The following THSD7A variants were observed in gnomAD, a reference collection of about 807,000 sequenced individuals.
THSD7A encodes thrombospondin type-1 domain-containing protein 7A.
A neutral mutation model predicts 231.3 loss-of-function variants in THSD7A; 96 were observed. The ratio of observed to expected loss-of-function variants is 0.41; its 90% CI spans 0.35 to 0.49. The LOEUF (loss-of-function observed/expected upper bound fraction) is 0.49, where lower values mean the gene tolerates loss of function less well. THSD7A is among the 20% of genes least tolerant of loss of function. The pLI is 0.05. For synonymous variants in THSD7A, 940 were observed against 743.3 expected (o/e 1.26, Z -4.30); for missense variants, 2,290 against 2,070.2 (o/e 1.11, Z -2.06).
chr7:11,588,072 G>A (rs1342272752), intron 4 of THSD7A, among the ~76,000 whole-genome samples: 1 of 152,136 alleles, frequency 6.6e-6, no homozygotes, highest in Admixed American at 6.5e-5. Context: ...CTTGAAATGA[G>A]TGTCTTCTTA....
chr7:11,378,222 G>C (rs895936653), intron 26 of THSD7A: 1 of 152,104 alleles, frequency 6.6e-6, no homozygotes, highest in African/African-American at 2.4e-5. Context: ...TTTTAAAGTA[G>C]ACTATGCCTG....
intron 4 of THSD7A, among the ~76,000 whole-genome samples, chr7:11,564,746 A>C (rs938713892): frequency 6.6e-6 from 1 of 152,188 alleles, no homozygotes; most frequent in Non-Finnish European, 1.5e-5. Flanking sequence ...CCACGATGCC[A>C]TATTTCCTAG....
chr7:11,720,027 T>C (rs1293794790), intron 1 of THSD7A, among the ~76,000 whole-genome samples: 1 of 151,778 alleles, frequency 6.6e-6, no homozygotes, highest in African/African-American at 2.4e-5. Flanking sequence ...AGCCCTCCTT[T>C]TGTCACACCT....
chr7:11,759,472 G>GGACA (rs1232734435), intron 1 of THSD7A, among the ~76,000 whole-genome samples: 1 of 151,992 alleles, frequency 6.6e-6, no homozygotes, highest in Non-Finnish European at 1.5e-5. Flanking sequence ...TATGTGACAA[G>GGACA]GACAGAAAGA....
intron 1 of THSD7A, among the ~76,000 whole-genome samples, chr7:11,709,649 C>G (rs1780887373): frequency 6.6e-6 from 1 of 150,700 alleles, no homozygotes; most frequent in Non-Finnish European, 1.5e-5. Context: ...AGTCGTTTAA[C>G]TTAACTTTGA....
intron 1 of THSD7A, among the ~76,000 whole-genome samples, chr7:11,706,709 T>A (rs1323577959): frequency 6.8e-6 from 1 of 146,302 alleles, no homozygotes; most frequent in Non-Finnish European, 1.5e-5. Flanking sequence ...TCATGGTATA[T>A]CCACAAACCA....
chr7:11,820,975 G>A lies in THSD7A; in HGVS notation c.190+10782C>T, dbSNP rs1313990305. On this transcript the variant is annotated intron_variant, in intron 1 of 27. Coordinates refer to ENST00000423059, the MANE Select transcript of THSD7A (RefSeq NM_015204.3). ...TTATGACGTTCAATATCAAGGCGGAGATCAACAGGATCATCTCTGTATTTT... is the reference window on the plus strand; with the variant it reads ...TTATGACGTTCAATATCAAGGCGGAAATCAACAGGATCATCTCTGTATTTT... 3 of 1,030,662 alleles carry A rather than the reference G, an allele frequency of 2.9e-6. No individual in the cohort carries two copies. The Middle Eastern group carries it at 6.5e-4, about 223-fold the overall frequency. The allele number at this position is 1,030,662 out of a possible 1,614,324, so 63.8% of individuals were successfully genotyped here.
At chr7:11,779,000 T>C (rs1463032917) in intron 1 of THSD7A, among the ~76,000 whole-genome samples, 1 of 152,094 alleles carries the variant, frequency 6.6e-6, no homozygotes, top group Admixed American at 6.5e-5. Flanking sequence ...TAAACATAAT[T>C]GGTATCATTA....
At chr7:11,693,119 C>A (rs1001313554) in intron 1 of THSD7A, among the ~76,000 whole-genome samples, 7 of 151,384 alleles carry the variant, frequency 4.6e-5, no homozygotes, top group Non-Finnish European at 1.0e-4. Context: ...AAACTTGTCC[C>A]TAAACTTTTC....
At chr7:11,482,017 T>C in intron 6 of THSD7A, 35 bp from the exon 7 acceptor site, 1 of 1,539,708 alleles carries the variant, frequency 6.5e-7, no homozygotes. Flanking sequence ...GCTATTATTG[T>C]TAAATTAATG....
At chr7:11,512,364 G>T (rs2128313683) in intron 6 of THSD7A, among the ~76,000 whole-genome samples, 1 of 152,270 alleles carries the variant, frequency 6.6e-6, no homozygotes, top group East Asian at 1.9e-4. Flanking sequence ...AACCATTGTG[G>T]AAGTCAGTGT....
intron 24 of THSD7A, among the ~76,000 whole-genome samples, chr7:11,382,025 A>G (rs1782536338): frequency 6.6e-6 from 1 of 152,156 alleles, no homozygotes; most frequent in East Asian, 1.9e-4. Flanking sequence ...TTTGAAATTT[A>G]CCAGTAGGTC....
chr7:11,749,027 A>G (rs1425800645), intron 1 of THSD7A, among the ~76,000 whole-genome samples: 3 of 151,930 alleles, frequency 2.0e-5, no homozygotes, highest in Non-Finnish European at 4.4e-5. Context: ...CCGTCCACCA[A>G]ATATTATTGA....
At chr7:11,469,431 C>A (rs1785844835) in intron 9 of THSD7A, among the ~76,000 whole-genome samples, 1 of 152,040 alleles carries the variant, frequency 6.6e-6, no homozygotes, top group South Asian at 2.1e-4. Flanking sequence ...ACAATTTGGC[C>A]ATTTTTCTCT....
intron 4 of THSD7A, among the ~76,000 whole-genome samples, chr7:11,588,736 C>G (rs1780024625): frequency 1.3e-5 from 2 of 152,158 alleles, no homozygotes; most frequent in African/African-American, 2.4e-5. Flanking sequence ...AAAATCTGAT[C>G]TACCTCTAGC....
chr7:11,725,875 G>T (rs1781528205), intron 1 of THSD7A, among the ~76,000 whole-genome samples: 1 of 151,782 alleles, frequency 6.6e-6, no homozygotes, highest in Non-Finnish European at 1.5e-5. Flanking sequence ...CTATAAAATT[G>T]GGATAATAAT....
At chr7:11,449,137 T>A (rs1785066223) in intron 11 of THSD7A, among the ~76,000 whole-genome samples, 1 of 152,064 alleles carries the variant, frequency 6.6e-6, no homozygotes, top group African/African-American at 2.4e-5. Context: ...TAAACTCTAA[T>A]GCTCTGATTT....
At chr7:11,649,499 A>C (rs1782412294) in intron 1 of THSD7A, among the ~76,000 whole-genome samples, 1 of 152,068 alleles carries the variant, frequency 6.6e-6, no homozygotes, top group Non-Finnish European at 1.5e-5. Context: ...TGCCATACCC[A>C]AAAATCTAAA....
intron 1 of THSD7A, among the ~76,000 whole-genome samples, chr7:11,676,852 A>G (rs1266037335): frequency 1.3e-5 from 2 of 152,188 alleles, no homozygotes; most frequent in African/African-American, 4.8e-5. Context: ...ACTGCAGTGT[A>G]TTATACAGGA....
Sources: gnomAD v4.1 joint callset for allele counts (sites outside exome capture counted in the v4.1 genomes callset) on GRCh38, gnomAD v4.1.1 for gene constraint, MANE v1.5 for transcripts, NCBI Gene and HGNC (gene_info 2026-07-23, HGNC 2026-07-21) for gene names.